The following AK9 variants were observed in gnomAD, a reference collection of about 807,000 sequenced individuals.
The protein encoded by AK9 is adenylate kinase domain containing 1.
Under a neutral mutation model 239.6 loss-of-function variants are expected in AK9, and 191 were observed. The observed-to-expected ratio is 0.80, with a 90% CI of 0.71 to 0.90. The LOEUF (loss-of-function observed/expected upper bound fraction) is 0.90. Among genes scored for constraint, AK9 ranks in the 40% least tolerant of loss-of-function variants. The pLI is 0.00. For synonymous variants in AK9, 689 were observed against 721.0 expected (o/e 0.96, Z 0.71); for missense variants, 1,995 against 2,214.7 (o/e 0.90, Z 1.99).
Position 109,506,499 on chromosome 6 carries a change from A to G in AK9, c.4677T>C (p.Asn1559=). 2 of 1,610,626 alleles carry G rather than the reference A, an allele frequency of 1.2e-6. No homozygotes were observed. The highest frequency in any genetic ancestry group is 1.7e-6 in the Non-Finnish European group (2 of 1,177,792). Residue 1559 remains asparagine, a synonymous_variant, in exon 35 of 41, where the codon AAT becomes AAC. Transcript: ENST00000424296. ...CACCAATATTTTTGCGATACTTTAC[A>G]TTATTGACAGCTACAATTTGTGCAC... ...HNSAQIVAVN[N]VKYRKNIGEI... is the part of the protein sequence containing the mutation.
At chr6:109,632,668 C>A in intron 12 of AK9, 2 of 813,308 alleles carry the variant, frequency 2.5e-6, no homozygotes, top group East Asian at 5.1e-5. Context: ...CTGAATGACA[C>A]GATATTCACA....
chr6:109,652,477 C>T (rs1325669401), intron 8 of AK9, among the ~76,000 whole-genome samples: 1 of 152,056 alleles, frequency 6.6e-6, no homozygotes, highest in East Asian at 1.9e-4. Flanking sequence ...TACTTTTTCA[C>T]TTAACATTAT....
At chr6:109,579,760 A>G in intron 19 of AK9, 134 bp from the exon 20 acceptor site, 1 of 777,402 alleles carries the variant, frequency 1.3e-6, no homozygotes, top group Admixed American at 3.7e-5. Flanking sequence ...ATATTTTTAA[A>G]TTACTCATGT....
rs1394256462 is a variant in AK9 at position 109,646,617 on chromosome 6, T to C, written c.760-1929A>G. The stretch of plus-strand genomic sequence containing the variant: ...AAAGACCAAACCTAAGTTTGATTGG[T>C]GTACCTGAAAGTGACAGGGAGAACA... On this transcript the variant is annotated intron_variant, in intron 8 of 40. Transcript: ENST00000424296. 2.6e-5 allele frequency among the ~76,000 whole-genome samples: 4 copies of C among 152,282 alleles called. No individual in the cohort carries two copies. The East Asian group carries it at 7.7e-4, about 29-fold the overall frequency.
At chr6:109,520,647 G>A (rs1779764226) in intron 29 of AK9, among the ~76,000 whole-genome samples, 1 of 152,066 alleles carries the variant, frequency 6.6e-6, no homozygotes, top group Non-Finnish European at 1.5e-5. Context: ...ATCTGTGAAG[G>A]ATGTTATTGG....
At chr6:109,591,682 C>A (rs1245978285) in intron 17 of AK9, among the ~76,000 whole-genome samples, 2 of 152,042 alleles carry the variant, frequency 1.3e-5, no homozygotes, top group East Asian at 3.8e-4. Flanking sequence ...GAATATCACC[C>A]TTTTGCTTTT....
chr6:109,677,424 T>A (rs1056916088), intron 1 of AK9, among the ~76,000 whole-genome samples: 9 of 152,140 alleles, frequency 5.9e-5, no homozygotes, highest in African/African-American at 2.2e-4. Flanking sequence ...ATTTTGCTGA[T>A]GAACACTAAA....
intron 27 of AK9, among the ~76,000 whole-genome samples, chr6:109,536,568 C>T (rs1037444748): frequency 6.6e-6 from 1 of 152,168 alleles, no homozygotes; most frequent in Non-Finnish European, 1.5e-5. Context: ...ATTTGACTTC[C>T]TCTTTTCCTA....
At chr6:109,528,290 CAG>C in intron 29 of AK9, 1 of 353,024 alleles carries the variant, frequency 2.8e-6, no homozygotes, top group Non-Finnish European at 5.6e-6. Context: ...ACACCTTAAA[CAG>C]AGCAAACTTT....
rs942421894 is a variant in AK9 at position 109,564,823 on chromosome 6, A to G, written c.2367T>C (p.Thr789=). The part of the protein sequence containing the change: ...PEAVSEPIEE[T]TVETEIPKGS... ...CTTTTGGGATTTCTGTTTCCACTGT[A>G]GTTTCCTCGATAGGCTCAGATACTT... is the stretch of plus-strand genomic sequence containing the variant. Residue 789 remains threonine (T), a synonymous_variant, in exon 22 of 41, where the codon ACT becomes ACC. Coordinates refer to ENST00000424296, the MANE Select transcript of AK9 (RefSeq NM_001145128.3). The G allele has an allele frequency of 2.6e-6, 4 of 1,545,562 alleles. No individual in the cohort carries two copies. In the African/African-American group the frequency reaches 4.1e-5, roughly 16 times the overall value.
intron 28 of AK9, among the ~76,000 whole-genome samples, chr6:109,530,268 G>A (rs189132984): frequency 6.6e-6 from 1 of 152,196 alleles, no homozygotes; most frequent in East Asian, 1.9e-4. Context: ...GCAGAACCTG[G>A]GTGCTTTCAT....
At chr6:109,640,591 T>A (rs1028581932) in intron 10 of AK9, among the ~76,000 whole-genome samples, 1 of 143,522 alleles carries the variant, frequency 7.0e-6, no homozygotes, top group African/African-American at 2.8e-5. Flanking sequence ...TTTTTTTTTT[T>A]TATTTTTTGT....
chr6:109,565,608 G>A (rs1410882751), intron 21 of AK9, among the ~76,000 whole-genome samples: 1 of 152,126 alleles, frequency 6.6e-6, no homozygotes, highest in Non-Finnish European at 1.5e-5. Flanking sequence ...CTAATTTCAC[G>A]GTTGAAGATA....
At chr6:109,608,058 T>C (rs932818137) in intron 17 of AK9, among the ~76,000 whole-genome samples, 1 of 151,832 alleles carries the variant, frequency 6.6e-6, no homozygotes, top group Non-Finnish European at 1.5e-5. Flanking sequence ...GATAGATCAC[T>C]TGAGGTCAGG....
At chr6:109,653,965 C>T (rs888121022) in intron 8 of AK9, among the ~76,000 whole-genome samples, 2 of 151,700 alleles carry the variant, frequency 1.3e-5, no homozygotes, top group South Asian at 4.2e-4. Flanking sequence ...ATGTTGAACT[C>T]TGAGCCCTGT....
intron 24 of AK9, among the ~76,000 whole-genome samples, chr6:109,560,491 G>C (rs748873441): frequency 5.9e-5 from 9 of 151,802 alleles, no homozygotes; most frequent in Non-Finnish European, 1.2e-4. Flanking sequence ...TTTGAATTTT[G>C]TCAAATGCTT....
chr6:109,603,513 G>A (rs1562481094), intron 17 of AK9, among the ~76,000 whole-genome samples: 1 of 152,166 alleles, frequency 6.6e-6, no homozygotes, highest in Non-Finnish European at 1.5e-5. Context: ...AGGCTACTTG[G>A]GGGTCAGGGA....
At chr6:109,575,764 T>G (rs978088757) in intron 20 of AK9, among the ~76,000 whole-genome samples, 1 of 152,182 alleles carries the variant, frequency 6.6e-6, no homozygotes, top group Non-Finnish European at 1.5e-5. Context: ...AATAGTTTTT[T>G]GATGTTATCT....
intron 19 of AK9, 52 bp from the exon 20 acceptor site, chr6:109,579,678 C>A: frequency 1.4e-6 from 2 of 1,442,366 alleles, no homozygotes; most frequent in South Asian, 1.2e-5. Flanking sequence ...AGACTTCTCA[C>A]ACTATTACAG....
Sources: allele counts gnomAD v4.1 joint callset (sites outside exome capture counted in the v4.1 genomes callset), GRCh38; gene constraint gnomAD v4.1.1; transcripts MANE v1.5; gene names NCBI Gene and HGNC (gene_info 2026-07-23, HGNC 2026-07-21).